The following MAPRE2 variants were observed in gnomAD, a reference collection of about 807,000 sequenced individuals.
MAPRE2 encodes microtubule-associated protein RP/EB family member 2.
Under a neutral mutation model 43.2 loss-of-function variants are expected in MAPRE2, and 13 were observed. The ratio of observed to expected loss-of-function variants is 0.30; its 90% confidence interval spans 0.20 to 0.48. The LOEUF (loss-of-function observed/expected upper bound fraction) is 0.48. Ranked by LOEUF, MAPRE2 falls within the 20% of genes least tolerant of loss-of-function variation. MAPRE2 has a pLI of 0.99. For synonymous variants in MAPRE2, 135 were observed against 148.8 expected (o/e 0.91, Z 0.68); for missense variants, 161 against 400.2 (o/e 0.40, Z 5.10).
chr18:35,000,843 G>A (rs2150578623), intron 1 of MAPRE2, among the ~76,000 whole-genome samples: 1 of 152,314 alleles, frequency 6.6e-6, no homozygotes, highest in East Asian at 1.9e-4. Flanking sequence ...TCCTCTGTGT[G>A]TGTTGGCGAT....
chr18:35,035,864 G>A (rs2150594847), intron 2 of MAPRE2, among the ~76,000 whole-genome samples: 1 of 131,872 alleles, frequency 7.6e-6, no homozygotes, highest in African/African-American at 2.8e-5. Context: ...CTTTCCCCCT[G>A]AATGAGAGCG....
intron 1 of MAPRE2, among the ~76,000 whole-genome samples, chr18:34,987,159 A>G (rs2056279456): frequency 6.6e-6 from 1 of 152,230 alleles, no homozygotes; most frequent in South Asian, 2.1e-4. Flanking sequence ...AGTACTTTCT[A>G]TTCTTTCACC....
intron 4 of MAPRE2, among the ~76,000 whole-genome samples, chr18:35,114,493 C>A (rs1163929902): frequency 6.6e-6 from 1 of 152,034 alleles, no homozygotes; most frequent in Non-Finnish European, 1.5e-5. Flanking sequence ...TTGTTCCAGG[C>A]CTCTTATTAG....
intron 1 of MAPRE2, among the ~76,000 whole-genome samples, chr18:34,978,891 A>G (rs2097014623): frequency 6.6e-6 from 1 of 152,206 alleles, no homozygotes; most frequent in Non-Finnish European, 1.5e-5. Flanking sequence ...ATCACATCCC[A>G]AACTATTTAA....
chr18:35,121,726 C>T lies in MAPRE2; in HGVS notation c.611-5222C>T, dbSNP rs1170534845. On this transcript the variant is annotated intron_variant, in intron 4 of 6. Transcript: ENST00000300249. ...GTTTTCCACATAAGCATCATTGAGC[C>T]AAGAGGCCTGGTAAAGGTACAGAAG... 2.0e-5 allele frequency among the ~76,000 whole-genome samples: 3 copies of T among 152,250 alleles called. No individual in the cohort carries two copies. In the East Asian group the frequency reaches 5.8e-4, roughly 29 times the overall value.
At chr18:35,006,870 C>T (rs1387428686) in intron 2 of MAPRE2, among the ~76,000 whole-genome samples, 2 of 152,094 alleles carry the variant, frequency 1.3e-5, no homozygotes, top group Non-Finnish European at 2.9e-5. Flanking sequence ...GGCTGAGGCA[C>T]AAGAATCACT....
chr18:35,053,064 AG>A (rs2150606768), intron 1 of MAPRE2, among the ~76,000 whole-genome samples: 1 of 146,294 alleles, frequency 6.8e-6, no homozygotes, highest in South Asian at 2.3e-4. Flanking sequence ...TACAGCAATT[AG>A]TTACATGGTC....
intron 1 of MAPRE2, among the ~76,000 whole-genome samples, chr18:35,051,003 G>A (rs1037459968): frequency 6.6e-6 from 1 of 152,214 alleles, no homozygotes; most frequent in Non-Finnish European, 1.5e-5. Context: ...AAAAAAGCTT[G>A]TGGAACTTAC....
At chr18:35,033,778 A>G (rs1361675077) in intron 2 of MAPRE2, among the ~76,000 whole-genome samples, 10 of 150,636 alleles carry the variant, frequency 6.6e-5, no homozygotes, top group Non-Finnish European at 1.3e-4. Context: ...TTCAAAGAGA[A>G]TAAAATACCT....
chr18:35,043,327 C>T (rs947586495), intron 1 of MAPRE2, among the ~76,000 whole-genome samples: 2 of 152,144 alleles, frequency 1.3e-5, no homozygotes, highest in Non-Finnish European at 1.5e-5. Flanking sequence ...ATGATTTAAT[C>T]CCTGCTGTGT....
At chr18:35,110,378 G>A (rs112401755) in intron 4 of MAPRE2, among the ~76,000 whole-genome samples, 2,248 of 152,158 alleles carry the variant, frequency 0.015, 33 homozygotes, top group Non-Finnish European at 0.023. Flanking sequence ...TATGTTTTGC[G>A]TATGTTAAAG....
chr18:35,029,826 A>G (rs755945734), intron 2 of MAPRE2, among the ~76,000 whole-genome samples: 2 of 152,240 alleles, frequency 1.3e-5, no homozygotes, highest in African/African-American at 2.4e-5. Flanking sequence ...GAGGAATTTC[A>G]TAAAATTGGA....
At chr18:35,131,678 C>G (rs146510878) in intron 5 of MAPRE2, among the ~76,000 whole-genome samples, 38 of 152,298 alleles carry the variant, frequency 2.5e-4, no homozygotes, top group African/African-American at 8.4e-4. Flanking sequence ...GAGATACAAA[C>G]TTTCAGACCA....
At chr18:35,043,376 C>T (rs1336074213) in intron 1 of MAPRE2, among the ~76,000 whole-genome samples, 2 of 152,018 alleles carry the variant, frequency 1.3e-5, no homozygotes, top group Non-Finnish European at 2.9e-5. Flanking sequence ...CGAATTTTAC[C>T]CCACGGGCCA....
intron 2 of MAPRE2, among the ~76,000 whole-genome samples, chr18:35,013,811 T>C (rs542436979): frequency 1.7e-3 from 259 of 152,292 alleles, no homozygotes; most frequent in African/African-American, 5.9e-3. Context: ...TCTCACTTAA[T>C]ATAATGACCT....
At chr18:35,058,599 G>A (rs1441088804) in intron 1 of MAPRE2, among the ~76,000 whole-genome samples, 1 of 152,132 alleles carries the variant, frequency 6.6e-6, no homozygotes, top group Non-Finnish European at 1.5e-5. Context: ...ACGATGTGAT[G>A]ACTCCTACGA....
At chr18:35,067,672 C>T (rs993757262) in intron 1 of MAPRE2, among the ~76,000 whole-genome samples, 14 of 152,148 alleles carry the variant, frequency 9.2e-5, no homozygotes, top group Admixed American at 4.6e-4. Context: ...GTACATTGCC[C>T]GGTAATGCAG....
rs983982978 is a variant in MAPRE2 at position 35,004,204 on chromosome 18, T to TA, written c.-69-1280dup. Among the ~76,000 whole-genome samples, 40 of 152,106 alleles carry TA rather than the reference T, an allele frequency of 2.6e-4. No homozygotes were observed. In the East Asian group the frequency reaches 4.6e-3, roughly 18 times the overall value. On this transcript the variant is annotated intron_variant, in intron 1 of 7. Transcript: ENST00000413393. ...AAAATGCCACCTCCTCCCTTTTAAT[T>TA]AAAAAAAATAATAATTCTACCAGCA...
At chr18:35,014,122 T>A (rs1290559746) in intron 2 of MAPRE2, among the ~76,000 whole-genome samples, 2 of 152,062 alleles carry the variant, frequency 1.3e-5, no homozygotes, top group African/African-American at 4.8e-5. Context: ...TTTAGGTAAA[T>A]ATGTAGGTTT....
Sources: allele counts gnomAD v4.1 joint callset (sites outside exome capture counted in the v4.1 genomes callset), GRCh38; gene constraint gnomAD v4.1.1; transcripts MANE v1.5; gene names NCBI Gene and HGNC (gene_info 2026-07-23, HGNC 2026-07-21).